The following KCNH4 variants were observed in gnomAD, a reference collection of about 807,000 sequenced individuals.
KCNH4 encodes voltage-gated delayed rectifier potassium channel KCNH4.
KCNH4 carries 33 observed loss-of-function variants against 90.7 expected under a neutral mutation model. The ratio of observed to expected loss-of-function variants is 0.36; its 90% confidence interval spans 0.28 to 0.49. KCNH4 has a LOEUF of 0.49. Among genes scored for constraint, KCNH4 ranks in the 20% least tolerant of loss-of-function variants. The probability of loss-of-function intolerance (pLI) is 0.98; values close to 1 mark genes in which losing one functional copy is unlikely to be tolerated. For synonymous variants in KCNH4, 551 were observed against 581.7 expected (o/e 0.95, Z 0.76); for missense variants, 1,044 against 1,387.1 (o/e 0.75, Z 3.93).
Position 42,178,823 on chromosome 17 carries a change from G to C in KCNH4, c.280C>G (p.Arg94Gly), listed in dbSNP as rs200825480. 679 of 1,613,850 alleles carry C rather than the reference G, an allele frequency of 4.2e-4. 1 individual carries two copies. The highest frequency in any genetic ancestry group is 1.2e-3 in the Admixed American group (73 of 60,030). ...HKALEGHQEH[R>G]AEICFYRKDG... Reference sequence around the variant, plus strand: ...TTGCGGTAGAAGCAGATTTCAGCCCGGTGCTCCTGGTGGCCCTCCAGGGCT... The same window carrying C: ...TTGCGGTAGAAGCAGATTTCAGCCCCGTGCTCCTGGTGGCCCTCCAGGGCT... The change falls in exon 2 of 17, where the codon CGG (arginine) becomes GGG (glycine). Residue 94 changes from arginine (R) to glycine (G), a missense_variant. Arg to Gly is a moderately radical substitution (Grantham distance 125). Coordinates refer to ENST00000264661, the MANE Select transcript of KCNH4 (RefSeq NM_012285.3).
chr17:42,175,086 GC>G (rs1380687500), intron 6 of KCNH4, among the ~76,000 whole-genome samples: 1 of 152,152 alleles, frequency 6.6e-6, no homozygotes, highest in African/African-American at 2.4e-5. Context: ...GGTCAGCCCA[GC>G]CCCTCTGTAG....
At chr17:42,166,607 A>G in intron 9 of KCNH4, 61 bp from the exon 10 acceptor site, 1 of 1,557,580 alleles carries the variant, frequency 6.4e-7, no homozygotes, top group South Asian at 1.2e-5. Flanking sequence ...GAGTCTACAA[A>G]TGTGCTGAGC....
chr17:42,162,461 A>G, intron 14 of KCNH4, 140 bp from the exon 15 acceptor site: 1 of 636,934 alleles, frequency 1.6e-6, no homozygotes, highest in Non-Finnish European at 2.7e-6. Context: ...GGAAACCTAA[A>G]CTCCTTAGCC....
chr17:42,171,990 C>T lies in KCNH4; in HGVS notation c.993G>A (p.Ser331=), dbSNP rs183523520. The T allele has an allele frequency of 3.4e-5, 54 of 1,595,278 alleles. No homozygotes were observed. The highest frequency in any genetic ancestry group is 1.1e-4 in the East Asian group (5 of 43,584). Residue 331 remains serine (S), a synonymous_variant, in exon 7 of 17, where the codon TCG becomes TCA. Coordinates refer to ENST00000264661, the MANE Select transcript of KCNH4 (RefSeq NM_012285.3). ...GCACTGTCTTCAGTAGGTGCACCAG[C>T]GAGGTCTGCAGGAAGGTGGCGGGGG... ...LLYIFNITVT[S]LVHLLKTVRL...
intron 2 of KCNH4, among the ~76,000 whole-genome samples, 157 bp downstream of exon 2, chr17:42,178,636 A>G (rs568873156): frequency 6.6e-6 from 1 of 152,402 alleles, no homozygotes; most frequent in African/African-American, 2.4e-5. Context: ...CATCTTTCAA[A>G]TGGGGGAACC....
At chr17:42,175,813 G>C in intron 5 of KCNH4, 77 bp from the exon 6 acceptor site, 2 of 1,531,696 alleles carry the variant, frequency 1.3e-6, no homozygotes, top group Admixed American at 3.4e-5. Context: ...AACAAGCTTT[G>C]GAGACTGGAG....
intron 16 of KCNH4, among the ~76,000 whole-genome samples, chr17:42,158,358 G>A (rs56380045): frequency 4.6e-5 from 7 of 150,546 alleles, no homozygotes; most frequent in South Asian, 2.1e-4. Flanking sequence ...GTGAAACCCC[G>A]TCTCTACTAA....
In KCNH4 at chr17:42,166,471, A is replaced by C. The variant is rs377428318; in HGVS notation, c.1666T>G (p.Leu556Val). 6.2e-7 allele frequency: 1 copy of C among 1,613,906 alleles called. No homozygotes were observed. Among genetic ancestry groups the C allele is most frequent in the African/African-American group, 1.3e-5 (1 of 74,896 alleles). The change falls in exon 10 of 17, where the codon TTG becomes GTG. Residue 556 changes from leucine to valine, a missense_variant. Leu to Val is a conservative substitution (Grantham distance 32, BLOSUM62 1). Around this residue, in one of 4 missense-constraint regions of KCNH4, gnomAD observed 318 missense variants for 479.6 expected, o/e 0.66. Transcript: ENST00000264661. ...CAGCCCCTGCTCGCTGCCCCGAACA[A>C]CGGCAGCTGCAGGATCTCCCGATTC... ...HLNREILQLP[L>V]FGAASRGCLR...
At chr17:42,166,275 T>C (rs747381235) in intron 10 of KCNH4, 22 bp downstream of exon 10, 1 of 1,579,472 alleles carries the variant, frequency 6.3e-7, no homozygotes, top group Non-Finnish European at 8.6e-7. Context: ...GGGTAGGTAG[T>C]AGAGGGTGAC....
rs1443689261 is a variant in KCNH4, at chr17:42,170,180, A to G, written c.1317T>C (p.Ser439=). ...TGGCACACACGTTGCCAAAGCCCAC[A>G]CTGGTGAGGCTGCTTAGAGTGAAGT... ...ALYFTLSSLT[S]VGFGNVCANT... The change falls in exon 8 of 17, where the codon AGT becomes AGC. Residue 439 remains serine (S), a synonymous_variant. Coordinates refer to ENST00000264661, the MANE Select transcript of KCNH4 (RefSeq NM_012285.3). 1.2e-6 allele frequency: 2 copies of G among 1,613,662 alleles called. No individual in the cohort carries two copies. The highest frequency in any genetic ancestry group is 3.3e-5 in the Admixed American group (2 of 60,000).
intron 11 of KCNH4, 72 bp downstream of exon 11, chr17:42,165,377 C>T: frequency 6.3e-7 from 1 of 1,576,452 alleles, no homozygotes; most frequent in Non-Finnish European, 8.7e-7. Flanking sequence ...GTTCATGGGA[C>T]TCTCAGGCTG....
At chr17:42,167,711 C>T (rs1191600223) in intron 9 of KCNH4, among the ~76,000 whole-genome samples, 2 of 152,206 alleles carry the variant, frequency 1.3e-5, no homozygotes, top group East Asian at 1.9e-4. Flanking sequence ...CACCCTTGGC[C>T]TAAGCCAGAA....
At chr17:42,173,693 C>CT (rs532100884) in intron 6 of KCNH4, among the ~76,000 whole-genome samples, 47,419 of 66,158 alleles carry the variant, frequency 0.72, 21,371 homozygotes, top group Non-Finnish European at 0.8. Context: ...CGATCTGGTT[C>CT]TTTTTTTTTT....
At position 42,178,872 on chromosome 17, in the gene KCNH4, C is replaced by G; in HGVS notation, c.231G>C (p.Glu77Asp). Reference protein sequence around the residue: ...CRFLYGPETSEPALQRLHKAL... With the variant: ...CRFLYGPETSDPALQRLHKAL... ...CTTTGTGCAGACGCTGCAGGGCTGG[C>G]TCACTGGTCTCTGGGCCGTAGAGGA... Residue 77 changes from glutamate (E) to aspartate (D), a missense_variant, in exon 2 of 17, where the codon GAG (glutamate) becomes GAC (aspartate). Around this residue, in one of 4 missense-constraint regions of KCNH4, gnomAD observed 283 missense variants for 378.6 expected, o/e 0.75. Coordinates refer to ENST00000264661, the MANE Select transcript of KCNH4 (RefSeq NM_012285.3). 1 of 1,614,230 alleles carries G rather than the reference C, an allele frequency of 6.2e-7. No homozygotes were observed. The highest frequency in any genetic ancestry group is 2.2e-5 in the East Asian group (1 of 44,890).
In KCNH4 at chr17:42,160,062, G is replaced by C; in HGVS notation, c.3032C>G (p.Ser1011Cys). 1 of 1,545,162 alleles carries C rather than the reference G, an allele frequency of 6.5e-7. No individual in the cohort carries two copies. The highest frequency in any genetic ancestry group is 8.7e-7 in the Non-Finnish European group (1 of 1,143,658). The change falls in exon 16 of 17, where the codon TCC (serine) becomes TGC (cysteine). Residue 1011 changes from serine (S) to cysteine (C), a missense_variant. By Grantham distance (112) the Ser-to-Cys change is moderately radical (BLOSUM62 -1). Around this residue, in one of 4 missense-constraint regions of KCNH4, gnomAD observed 441 missense variants for 512.3 expected, o/e 0.86. Transcript: ENST00000264661. ...TPSLLRHSFQ[S>C]RSDTFH ...GGGTCAGTGGAACGTGTCTGACCTGGACTGGAAACTGTGCCTCAAGAGGCT... is the reference window on the plus strand; with the variant it reads ...GGGTCAGTGGAACGTGTCTGACCTGCACTGGAAACTGTGCCTCAAGAGGCT...
At position 42,180,223 on chromosome 17, in the gene KCNH4, A is replaced by G. The variant is rs1348400887; in HGVS notation, c.76+647T>C. Among the ~76,000 whole-genome samples the G allele has an allele frequency of 6.6e-6, 1 of 152,114 alleles. No homozygotes were observed. Among genetic ancestry groups the G allele is most frequent in the Non-Finnish European group, 1.5e-5 (1 of 67,998 alleles). On this transcript the variant is annotated intron_variant, in intron 1 of 16. Transcript: ENST00000264661. This position sits in a 1 kb window ranked among gnomAD's most constrained non-coding sequence, Gnocchi z 4.7. ...GGGTTGGGGGAGGTGAGGGCGGGGAATCTCTGGGTTCCAGAGTGGGAAGAG... is the reference window on the plus strand; with the variant it reads ...GGGTTGGGGGAGGTGAGGGCGGGGAGTCTCTGGGTTCCAGAGTGGGAAGAG...
chr17:42,176,190 G>T lies in KCNH4; in HGVS notation c.693C>A (p.Gly231=), dbSNP rs752790528. The change falls in exon 5 of 17, where the codon GGC becomes GGA. Residue 231 remains glycine, a synonymous_variant. Coordinates refer to ENST00000264661, the MANE Select transcript of KCNH4 (RefSeq NM_012285.3). ...CGTAGAAGGTGGCAAGGAGGATAAG[G>T]CCGTCCCAGATGGCCTTGGAGACGC... ...HYSVSKAIWD[G]LILLATFYVA... 9 of 1,613,852 alleles carry T rather than the reference G, an allele frequency of 5.6e-6. No homozygotes were observed. Among genetic ancestry groups the T allele is most frequent in the African/African-American group, 1.3e-5 (1 of 74,864 alleles).
At chr17:42,164,874 G>C (rs1273073774) in intron 11 of KCNH4, among the ~76,000 whole-genome samples, 2 of 151,452 alleles carry the variant, frequency 1.3e-5, no homozygotes, top group Non-Finnish European at 2.9e-5. Flanking sequence ...GGGAGGCCGA[G>C]GTGGGTGGAT....
At position 42,163,646 on chromosome 17, in the gene KCNH4, G is replaced by A. The variant is rs1484496720; in HGVS notation, c.2437C>T (p.Pro813Ser). Residue 813 changes from proline (P) to serine (S), a missense_variant, in exon 13 of 17, where the codon CCC (proline) becomes TCC (serine). Around this residue, in one of 4 missense-constraint regions of KCNH4, gnomAD observed 441 missense variants for 512.3 expected, o/e 0.86. Coordinates refer to ENST00000264661, the MANE Select transcript of KCNH4 (RefSeq NM_012285.3). This position sits in a 1 kb window ranked among gnomAD's most constrained non-coding sequence, Gnocchi z 5.4. ...GGAGGTCCAAAGGTTCCCAGTGGGGGAATGAGAAGCTGAGGGGGCTTCCAG... is the reference window on the plus strand; with the variant it reads ...GGAGGTCCAAAGGTTCCCAGTGGGGAAATGAGAAGCTGAGGGGGCTTCCAG... ...AAWKPPQLLIPPLGTFGPPDL... is the reference protein window; with the variant it reads ...AAWKPPQLLISPLGTFGPPDL... The A allele has an allele frequency of 6.7e-7, 1 of 1,502,026 alleles. No homozygotes were observed. The highest frequency in any genetic ancestry group is 8.9e-7 in the Non-Finnish European group (1 of 1,122,632). 93.0% of individuals were successfully genotyped at this position (1,502,026 alleles called of 1,614,324 possible).
Sources: allele counts gnomAD v4.1 joint callset (sites outside exome capture counted in the v4.1 genomes callset), GRCh38; gene constraint gnomAD v4.1.1; regional missense constraint gnomAD v4.1.1; non-coding constraint Gnocchi (gnomAD v3.1); transcripts MANE v1.5; gene names NCBI Gene and HGNC (gene_info 2026-07-23, HGNC 2026-07-21).